The following GRIK4 variants were observed in gnomAD, a reference collection of about 807,000 sequenced individuals.
GRIK4 encodes glutamate ionotropic receptor kainate type subunit 4.
A neutral mutation model predicts 104.9 loss-of-function variants in GRIK4; 40 were observed. That is an observed-to-expected ratio of 0.38 (90% CI 0.30 to 0.50). The LOEUF (loss-of-function observed/expected upper bound fraction) is 0.50, where lower values mean the gene tolerates loss of function less well. Ranked by LOEUF, GRIK4 falls within the 20% of genes least tolerant of loss-of-function variation. The pLI, the probability that GRIK4 is intolerant of heterozygous loss-of-function variation, is 0.93. For synonymous variants in GRIK4, 485 were observed against 524.9 expected (o/e 0.92, Z 1.04); for missense variants, 1,047 against 1,308.1 (o/e 0.80, Z 3.08).
chr11:120,618,845 C>G (rs1591743718), intron 1 of GRIK4, among the ~76,000 whole-genome samples: 1 of 152,310 alleles, frequency 6.6e-6, no homozygotes, highest in Non-Finnish European at 1.5e-5. Flanking sequence ...TATGGAAAAG[C>G]CTATTGGTCT....
At position 120,592,181 on chromosome 11, in the gene GRIK4, T is replaced by C. The variant is rs144090221; in HGVS notation, c.-158-61504T>C. Among the ~76,000 whole-genome samples, 468 of 152,310 alleles carry C rather than the reference T, an allele frequency of 3.1e-3. 6 individuals are homozygous for C. The highest frequency in any genetic ancestry group is 2.1e-3 in the East Asian group (11 of 5,182). On this transcript the variant is annotated intron_variant, in intron 1 of 20. Coordinates refer to ENST00000527524, the MANE Select transcript of GRIK4 (RefSeq NM_014619.5). ...AGTGTTTTACAGGTCATTAAGTACT[T>C]GACAGAGAGGCTTTAGGGACTGGAA... is the stretch of plus-strand genomic sequence containing the variant.
At chr11:120,863,388 G>T (rs1197204984) in intron 9 of GRIK4, among the ~76,000 whole-genome samples, 2 of 152,230 alleles carry the variant, frequency 1.3e-5, no homozygotes, top group Non-Finnish European at 2.9e-5. Context: ...TAGCCTAGGA[G>T]TGTAGTAGGC....
At position 120,511,754 on chromosome 11, in the gene GRIK4, C is replaced by T; in HGVS notation, c.-292C>T. 3.1e-6 allele frequency: 1 copy of T among 327,808 alleles called. No individual in the cohort carries two copies. The highest frequency in any genetic ancestry group is 6.2e-6 in the Non-Finnish European group (1 of 161,220). The allele number at this position is 327,808 out of a possible 1,614,324, so 20.3% of individuals were successfully genotyped here. A position where few individuals can be genotyped will look rare whatever the true frequency, so the allele number is the denominator to read the frequency against. On this transcript the variant is annotated 5_prime_UTR_variant, in exon 1 of 21. Transcript: ENST00000527524. ...CTCGCTCGCAGCCGGACACAGACTG[C>T]CTTCAGCTGCGGGCGGATCGGGCTG... is the stretch of plus-strand genomic sequence containing the variant.
chr11:120,551,641 C>A (rs1475136663), intron 1 of GRIK4, among the ~76,000 whole-genome samples: 1 of 151,912 alleles, frequency 6.6e-6, no homozygotes, highest in Non-Finnish European at 1.5e-5. Flanking sequence ...ATTAGCTGGG[C>A]GTGGTGGTGG....
At chr11:120,595,991 C>T (rs534456734) in intron 1 of GRIK4, among the ~76,000 whole-genome samples, 37 of 152,296 alleles carry the variant, frequency 2.4e-4, no homozygotes, top group African/African-American at 8.9e-4. Context: ...GGATTACAGG[C>T]GTGCGCCACC....
In GRIK4 at chr11:120,957,035, T is replaced by A. The variant is rs1460512884; in HGVS notation, c.1874+82T>A. ...CCTCTGATAAGCCGGCTCTAGCTTCTAGAGCCCCAGAGCCTCTGCCTCTTA... is the reference window on the plus strand; with the variant it reads ...CCTCTGATAAGCCGGCTCTAGCTTCAAGAGCCCCAGAGCCTCTGCCTCTTA... On this transcript the variant is annotated intron_variant, in intron 16 of 20. Transcript: ENST00000527524. 12 of 1,235,428 alleles carry A rather than the reference T, an allele frequency of 9.7e-6. No individual in the cohort carries two copies. The Admixed American group carries it at 1.0e-4, about 11-fold the overall frequency. The allele number at this position is 1,235,428 out of a possible 1,614,324, so 76.5% of individuals were successfully genotyped here. A position where few individuals can be genotyped will look rare whatever the true frequency, so the allele number is the denominator to read the frequency against.
chr11:120,523,826 C>G (rs1324994264), intron 1 of GRIK4, among the ~76,000 whole-genome samples: 1 of 151,472 alleles, frequency 6.6e-6, no homozygotes, highest in Non-Finnish European at 1.5e-5. Flanking sequence ...AGAGCAAGGT[C>G]AGGCCACCCT....
At chr11:120,622,356 C>T (rs969662746) in intron 1 of GRIK4, among the ~76,000 whole-genome samples, 2 of 152,172 alleles carry the variant, frequency 1.3e-5, no homozygotes, top group African/African-American at 4.8e-5. Flanking sequence ...TGACTTGCCC[C>T]AGGTCACACT....
intron 4 of GRIK4, among the ~76,000 whole-genome samples, chr11:120,808,951 G>T (rs561002030): frequency 6.6e-6 from 1 of 152,246 alleles, no homozygotes; most frequent in African/African-American, 2.4e-5. Context: ...GCACTGAGCA[G>T]CTCCTCACTG....
intron 3 of GRIK4, among the ~76,000 whole-genome samples, chr11:120,679,520 A>G (rs11217968): frequency 0.58 from 87,741 of 151,960 alleles, 26,518 homozygotes; most frequent in African/African-American, 0.76. Context: ...CAGTCCTGGG[A>G]CAGGCCACTG....
chr11:120,722,226 A>G (rs985812245), intron 3 of GRIK4, among the ~76,000 whole-genome samples: 3 of 152,208 alleles, frequency 2.0e-5, no homozygotes, highest in African/African-American at 7.2e-5. Context: ...TCTTGTGTTT[A>G]TATATGGCAT....
chr11:120,695,055 C>T (rs1349527680), intron 3 of GRIK4, among the ~76,000 whole-genome samples: 1 of 152,218 alleles, frequency 6.6e-6, no homozygotes, highest in African/African-American at 2.4e-5. Context: ...CCTTCTCTCA[C>T]TCCTTTCAAA....
Position 120,802,830 on chromosome 11 carries a change from G to C in GRIK4, c.220G>C (p.Asp74His). ...AGTGGACATCTTTGAGCTTCTCAGA[G>C]ACAGCGAGTACGAGACTGCAGAAAC... The part of the protein sequence containing the change: ...VEVDIFELLR[D>H]SEYETAETMC... Residue 74 changes from aspartate (D) to histidine (H), a missense_variant, in exon 4 of 21, where the codon GAC becomes CAC. By Grantham distance (81) the Asp-to-His change is moderately conservative (BLOSUM62 -1). Coordinates refer to ENST00000527524, the MANE Select transcript of GRIK4 (RefSeq NM_014619.5). The C allele has an allele frequency of 6.2e-7, 1 of 1,614,218 alleles. No homozygotes were observed. Among genetic ancestry groups the C allele is most frequent in the Non-Finnish European group, 8.5e-7 (1 of 1,180,042 alleles).
At chr11:120,718,682 T>C (rs1037658687) in intron 3 of GRIK4, among the ~76,000 whole-genome samples, 3 of 152,232 alleles carry the variant, frequency 2.0e-5, no homozygotes, top group Non-Finnish European at 4.4e-5. Flanking sequence ...CCAAGTCACC[T>C]TAGGTGGGCA....
rs11217966 is a variant in GRIK4, at chr11:120,677,492, G to A, written c.82+17092G>A. Among the ~76,000 whole-genome samples the A allele has an allele frequency of 6.4e-3, 980 of 152,328 alleles. 11 individuals are homozygous for A. Among genetic ancestry groups the A allele is most frequent in the African/African-American group, 0.022 (912 of 41,580 alleles). ...ACACTTAGGATCTGAAGCTGGTCCT[G>A]CCTGTTCCTCTGTTCTCTGGTACTT... On this transcript the variant is annotated intron_variant, in intron 3 of 20. Coordinates refer to ENST00000527524, the MANE Select transcript of GRIK4 (RefSeq NM_014619.5).
At chr11:120,810,670 G>A (rs1282351282) in intron 4 of GRIK4, among the ~76,000 whole-genome samples, 1 of 152,138 alleles carries the variant, frequency 6.6e-6, no homozygotes, top group Admixed American at 6.5e-5. Flanking sequence ...CCAATAAAAT[G>A]GATAGGGTGA....
At position 120,988,750 on chromosome 11, in the gene GRIK4, C is replaced by G. The variant is rs1944798288; in HGVS notation, c.*2490C>G. The G allele has an allele frequency of 6.6e-6, 1 of 152,036 alleles. No homozygotes were observed. The highest frequency in any genetic ancestry group is 1.5e-5 in the Non-Finnish European group (1 of 67,976). 9.4% of individuals were successfully genotyped at this position (152,036 alleles called of 1,614,324 possible). A position where few individuals can be genotyped will look rare whatever the true frequency, so the allele number is the denominator to read the frequency against. On this transcript the variant is annotated 3_prime_UTR_variant, in exon 21 of 21. Transcript: ENST00000527524. ...ACTGTATAAAGCAGTTTTTTCTTGT[C>G]TGTTTATCTTTCTTCAACTGGAATA...
intron 15 of GRIK4, among the ~76,000 whole-genome samples, chr11:120,954,782 TACACAC>T (rs768646075): frequency 6.3e-4 from 68 of 107,990 alleles, no homozygotes; most frequent in African/African-American, 9.9e-4. Flanking sequence ...TCTCTCTCAC[TACACAC>T]ACACACACAC....
At chr11:120,857,002 A>G (rs1322071895) in intron 8 of GRIK4, among the ~76,000 whole-genome samples, 1 of 151,972 alleles carries the variant, frequency 6.6e-6, no homozygotes, top group Non-Finnish European at 1.5e-5. Flanking sequence ...TTATCCCTCC[A>G]TGTTCCCAGA....
Sources: gnomAD v4.1 joint callset for allele counts (sites outside exome capture counted in the v4.1 genomes callset) on GRCh38, gnomAD v4.1.1 for gene constraint, MANE v1.5 for transcripts, NCBI Gene and HGNC (gene_info 2026-07-23, HGNC 2026-07-21) for gene names.